MDGA2: variants seen among roughly 807,000 people sequenced by gnomAD.
The protein encoded by MDGA2 is MAM domain containing glycosylphosphatidylinositol anchor 2, also known as MAM domain-containing glycosylphosphatidylinositol anchor protein 2.
MDGA2 carries 40 observed loss-of-function variants against 117.8 expected under a neutral mutation model. The ratio of observed to expected loss-of-function variants is 0.34; its 90% CI spans 0.26 to 0.44. MDGA2 has a LOEUF of 0.44. Among genes scored for constraint, MDGA2 ranks in the 20% least tolerant of loss-of-function variants. The pLI, the probability that MDGA2 is intolerant of heterozygous loss-of-function variation, is 1.00. For synonymous variants in MDGA2, 452 were observed against 439.0 expected, an observed-to-expected ratio of 1.03 and a Z score of -0.37; for missense variants, 1,123 against 1,250.6, an observed-to-expected ratio of 0.90 and a Z score of 1.54.
chr14:46,878,965 T>A (rs904800490), intron 11 of MDGA2, among the ~76,000 whole-genome samples: 5 of 152,082 alleles, frequency 3.3e-5, no homozygotes, highest in African/African-American at 1.2e-4. Flanking sequence ...TGTGAAAATT[T>A]GCACAAACTT....
intron 1 of MDGA2, among the ~76,000 whole-genome samples, chr14:47,432,501 A>C (rs535169786): frequency 4.3e-4 from 65 of 152,170 alleles, no homozygotes; most frequent in Admixed American, 2.1e-3. Context: ...TCTCCATGGA[A>C]TATTTAGCTG....
At chr14:47,617,771 T>C (rs1390751154) in intron 1 of MDGA2, among the ~76,000 whole-genome samples, 1 of 152,170 alleles carries the variant, frequency 6.6e-6, no homozygotes, top group Non-Finnish European at 1.5e-5. Context: ...TAGCATATTA[T>C]GTGCAAACTA....
intron 1 of MDGA2, among the ~76,000 whole-genome samples, chr14:47,317,414 C>A (rs1594792045): frequency 6.6e-6 from 1 of 152,022 alleles, no homozygotes; most frequent in African/African-American, 2.4e-5. Context: ...AACCTCAAAT[C>A]AAAAATACTT....
chr14:47,128,075 T>G (rs1320763871), intron 5 of MDGA2, among the ~76,000 whole-genome samples: 1 of 152,126 alleles, frequency 6.6e-6, no homozygotes, highest in Non-Finnish European at 1.5e-5. Context: ...TGGAAAATGA[T>G]AAAAATCACA....
intron 1 of MDGA2, among the ~76,000 whole-genome samples, chr14:47,474,082 C>T (rs939497361): frequency 4.6e-5 from 7 of 152,182 alleles, no homozygotes; most frequent in South Asian, 4.1e-4. Context: ...CTAGAAAACC[C>T]GACTGTCTCA....
At chr14:47,168,974 A>C (rs181309579) in intron 3 of MDGA2, among the ~76,000 whole-genome samples, 1 of 152,196 alleles carries the variant, frequency 6.6e-6, no homozygotes, top group Admixed American at 6.5e-5. Flanking sequence ...GTACTCTTTT[A>C]TTGTCTCATT....
At chr14:47,020,429 G>C (rs889180737) in intron 8 of MDGA2, among the ~76,000 whole-genome samples, 1 of 152,114 alleles carries the variant, frequency 6.6e-6, no homozygotes, top group Admixed American at 6.5e-5. Flanking sequence ...AAAAGATCGG[G>C]AATGTCTTAT....
At chr14:46,874,242 T>A in intron 12 of MDGA2, 42 bp from the exon 13 acceptor site, 1 of 956,810 alleles carries the variant, frequency 1.0e-6, no homozygotes, top group Non-Finnish European at 1.4e-6. Flanking sequence ...ATTAAATTAA[T>A]ACACATACTG....
chr14:47,147,321 C>T (rs557397823), intron 3 of MDGA2, among the ~76,000 whole-genome samples: 9 of 152,012 alleles, frequency 5.9e-5, no homozygotes, highest in African/African-American at 1.7e-4. Flanking sequence ...GAGATGTGTG[C>T]GCAGAAATGG....
intron 1 of MDGA2, among the ~76,000 whole-genome samples, chr14:47,673,793 TG>T (rs1407473241): frequency 6.6e-6 from 1 of 151,992 alleles, no homozygotes. Flanking sequence ...AACCTAAATC[TG>T]GGTTTTCCAG....
chr14:47,328,495 T>G (rs1196718230), intron 1 of MDGA2, among the ~76,000 whole-genome samples: 1 of 152,126 alleles, frequency 6.6e-6, no homozygotes, highest in Non-Finnish European at 1.5e-5. Flanking sequence ...TACAAACCTA[T>G]TTTTACAATT....
intron 2 of MDGA2, among the ~76,000 whole-genome samples, chr14:47,245,674 G>A (rs971270359): frequency 3.3e-5 from 5 of 151,670 alleles, no homozygotes; most frequent in Admixed American, 6.6e-5. Context: ...TAAAACTGTA[G>A]GTACATAGTG....
At chr14:46,972,519 A>G (rs1479723831) in intron 8 of MDGA2, among the ~76,000 whole-genome samples, 1 of 152,176 alleles carries the variant, frequency 6.6e-6, no homozygotes, top group Non-Finnish European at 1.5e-5. Flanking sequence ...AATATTTATA[A>G]CAAATGTGTA....
intron 1 of MDGA2, chr14:47,342,995 G>A: frequency 9.1e-7 from 1 of 1,093,460 alleles, no homozygotes; most frequent in Non-Finnish European, 1.2e-6. Context: ...CTGGCAGAAT[G>A]CTACCTCAGG....
chr14:47,430,078 G>C (rs929183261), intron 1 of MDGA2, among the ~76,000 whole-genome samples: 1 of 151,310 alleles, frequency 6.6e-6, no homozygotes, highest in African/African-American at 2.4e-5. Context: ...GAGAGGTACA[G>C]ATCTACAGGT....
chr14:46,940,847 T>C (rs1884971586), intron 9 of MDGA2, among the ~76,000 whole-genome samples: 1 of 152,182 alleles, frequency 6.6e-6, no homozygotes, highest in Non-Finnish European at 1.5e-5. Context: ...CATCGCTGAA[T>C]ATGAATGTGC....
chr14:46,981,907 C>A (rs1886685829), intron 8 of MDGA2, among the ~76,000 whole-genome samples: 1 of 152,084 alleles, frequency 6.6e-6, no homozygotes, highest in Non-Finnish European at 1.5e-5. Context: ...ATTCTACAAA[C>A]AAAATCACAG....
chr14:47,343,700 G>T (rs1038806965), intron 1 of MDGA2, among the ~76,000 whole-genome samples: 1 of 152,044 alleles, frequency 6.6e-6, no homozygotes, highest in Non-Finnish European at 1.5e-5. Flanking sequence ...TTTTCATTTA[G>T]TTAATTATAA....
intron 1 of MDGA2, among the ~76,000 whole-genome samples, chr14:47,306,840 AGG>A (rs1282128709): frequency 2.1e-3 from 122 of 58,872 alleles, no homozygotes; most frequent in Non-Finnish European, 4.1e-3. Flanking sequence ...AAAGAGAAAG[AGG>A]GAGAGAGAGA....
Sources: allele counts gnomAD v4.1 joint callset (sites outside exome capture counted in the v4.1 genomes callset), GRCh38; gene constraint gnomAD v4.1.1; transcripts MANE v1.5; gene names NCBI Gene and HGNC (gene_info 2026-07-23, HGNC 2026-07-21).